BABAM2: variants seen among roughly 807,000 people sequenced by gnomAD.
BABAM2 encodes BRISC and BRCA1 A complex member 2.
Under a neutral mutation model 54.7 loss-of-function variants are expected in BABAM2, and 31 were observed. That is an observed-to-expected ratio of 0.57 (90% CI 0.43 to 0.77). The LOEUF (loss-of-function observed/expected upper bound fraction) is 0.77. Ranked by LOEUF, BABAM2 falls within the 30% of genes least tolerant of loss-of-function variation. The pLI is 0.00. For synonymous variants in BABAM2, 167 were observed against 162.9 expected (o/e 1.03, Z -0.19); for missense variants, 364 against 455.8 (o/e 0.80, Z 1.83).
At chr2:28,188,035 C>T (rs75429650) in intron 7 of BABAM2, among the ~76,000 whole-genome samples, 2,215 of 152,090 alleles carry the variant, frequency 0.015, 60 homozygotes, top group African/African-American at 0.05. Flanking sequence ...TATTTTTCCC[C>T]GGGCGCAGGC....
At chr2:28,101,804 C>G (rs924020379) in intron 6 of BABAM2, among the ~76,000 whole-genome samples, 1 of 151,816 alleles carries the variant, frequency 6.6e-6, no homozygotes, top group African/African-American at 2.4e-5. Flanking sequence ...TTTTATTGCT[C>G]TAAGGCAATA....
intron 4 of BABAM2, among the ~76,000 whole-genome samples, chr2:28,006,131 G>T (rs917435688): frequency 2.6e-5 from 4 of 151,800 alleles, no homozygotes; most frequent in African/African-American, 9.7e-5. Context: ...TATAGCTGCA[G>T]AAACAGGGCC....
At chr2:28,196,295 C>A (rs1029023385) in intron 7 of BABAM2, among the ~76,000 whole-genome samples, 2 of 129,236 alleles carry the variant, frequency 1.5e-5, no homozygotes, top group African/African-American at 5.2e-5. Flanking sequence ...CCACTGCACT[C>A]CAGCCTGGGC....
chr2:28,300,257 T>C (rs564277211), intron 11 of BABAM2, among the ~76,000 whole-genome samples: 3 of 152,280 alleles, frequency 2.0e-5, no homozygotes, highest in Non-Finnish European at 4.4e-5. Flanking sequence ...TTAAATAATG[T>C]CAGGGTGTCT....
intron 11 of BABAM2, among the ~76,000 whole-genome samples, chr2:28,319,629 A>G (rs1689853597): frequency 6.6e-6 from 1 of 152,216 alleles, no homozygotes; most frequent in Admixed American, 6.5e-5. Flanking sequence ...CTTCAGCAAC[A>G]CTGCAAGGCA....
At chr2:27,894,846 A>G in intron 2 of BABAM2, 162 bp downstream of exon 2, 1 of 705,220 alleles carries the variant, frequency 1.4e-6, no homozygotes, top group South Asian at 2.4e-5. Flanking sequence ...AGTTCTTGAC[A>G]TTTTATGTTT....
chr2:27,914,847 A>T (rs76121179), intron 2 of BABAM2, among the ~76,000 whole-genome samples: 1,595 of 152,154 alleles, frequency 0.01, 23 homozygotes, highest in African/African-American at 0.037. Context: ...ATCTCTACTG[A>T]TGGTGATATA....
At chr2:27,996,078 T>C (rs966311331) in intron 4 of BABAM2, among the ~76,000 whole-genome samples, 8 of 152,204 alleles carry the variant, frequency 5.3e-5, no homozygotes, top group Non-Finnish European at 1.0e-4. Context: ...TATCCTTTGA[T>C]TTTTCTGTGT....
chr2:28,276,306 T>A (rs1685875031), intron 10 of BABAM2, among the ~76,000 whole-genome samples: 1 of 152,176 alleles, frequency 6.6e-6, no homozygotes, highest in South Asian at 2.1e-4. Context: ...ATTTTACAGA[T>A]GTGAGTCATC....
intron 3 of BABAM2, among the ~76,000 whole-genome samples, chr2:27,931,709 A>G (rs1057428164): frequency 6.6e-6 from 1 of 152,150 alleles, no homozygotes; most frequent in Non-Finnish European, 1.5e-5. Context: ...GTACACAGTT[A>G]GCTTCGTTAT....
intron 7 of BABAM2, among the ~76,000 whole-genome samples, chr2:28,150,642 C>T (rs955474974): frequency 6.6e-6 from 1 of 152,176 alleles, no homozygotes; most frequent in Non-Finnish European, 1.5e-5. Context: ...TAGAAAGCTG[C>T]TTGGAAAGAG....
Position 28,176,569 on chromosome 2 carries a change from CAAAAAAAAAAAAAA to C in BABAM2, c.680+47203_680+47216del, listed in dbSNP as rs778275011. 6.0e-4 allele frequency among the ~76,000 whole-genome samples: 3 copies of C among 5,042 alleles called. 1 individual carries two copies. Among genetic ancestry groups the C allele is most frequent in the Non-Finnish European group, 1.0e-3 (3 of 2,864 alleles). 3.3% of individuals were successfully genotyped at this position (5,042 alleles called of 152,430 possible). A position where few individuals can be genotyped will look rare whatever the true frequency, so the allele number is the denominator to read the frequency against. On this transcript the variant is annotated intron_variant, in intron 7 of 11. Transcript: ENST00000379624. ...TGGGCAACACAGTGAGACTCTATCT[CAAAAAAAAAAAAAA>C]AAAAAAAAAAAAACCTCACTGAGAT...
intron 7 of BABAM2, among the ~76,000 whole-genome samples, chr2:28,221,900 C>T (rs1485795957): frequency 2.0e-5 from 3 of 152,112 alleles, no homozygotes; most frequent in Non-Finnish European, 4.4e-5. Flanking sequence ...GTGATGGGAG[C>T]GAACTTAAGG....
At position 28,298,500 on chromosome 2, in the gene BABAM2, A is replaced by G. The variant is rs1300549727; in HGVS notation, c.1088+9A>G. The G allele has an allele frequency of 1.2e-6, 2 of 1,613,930 alleles. No individual in the cohort carries two copies. Among genetic ancestry groups the G allele is most frequent in the African/African-American group, 2.7e-5 (2 of 75,064 alleles). On this transcript the variant is annotated intron_variant, in intron 11 of 11. Transcript: ENST00000379624. Reference sequence around the variant, plus strand: ...ATGGCCAAAAGAGCAAAGTAAGTGAATCTGTCGTTATTTCCAACAGGTAAG... The same window carrying G: ...ATGGCCAAAAGAGCAAAGTAAGTGAGTCTGTCGTTATTTCCAACAGGTAAG...
chr2:28,285,431 A>G (rs539064533), intron 10 of BABAM2, among the ~76,000 whole-genome samples: 1 of 152,298 alleles, frequency 6.6e-6, no homozygotes, highest in East Asian at 1.9e-4. Flanking sequence ...TTGTCCTATA[A>G]TTGTAATATC....
At chr2:28,298,246 G>C in intron 10 of BABAM2, 92 bp from the exon 11 acceptor site, 1 of 1,374,774 alleles carries the variant, frequency 7.3e-7, no homozygotes, top group Non-Finnish European at 1.0e-6. Context: ...TTCAAATAGA[G>C]TTTCGTACCT....
At chr2:28,101,681 T>C (rs767080929) in intron 6 of BABAM2, among the ~76,000 whole-genome samples, 2 of 152,188 alleles carry the variant, frequency 1.3e-5, no homozygotes, top group African/African-American at 4.8e-5. Flanking sequence ...CCTCTTAGAA[T>C]TTCTACTGTT....
chr2:28,042,729 A>G (rs1677200700), intron 5 of BABAM2, among the ~76,000 whole-genome samples: 1 of 152,170 alleles, frequency 6.6e-6, no homozygotes, highest in African/African-American at 2.4e-5. Flanking sequence ...GAGAAATGAA[A>G]TGGGAGCTGA....
intron 7 of BABAM2, among the ~76,000 whole-genome samples, chr2:28,186,605 CAGAGACAGAG>C (rs1482919187): frequency 4.0e-5 from 6 of 150,550 alleles, no homozygotes; most frequent in South Asian, 2.1e-4. Flanking sequence ...GACACAGAGA[CAGAGACAGAG>C]AGAGACAGAG....
Sources: gnomAD v4.1 joint callset for allele counts (sites outside exome capture counted in the v4.1 genomes callset) on GRCh38, gnomAD v4.1.1 for gene constraint, MANE v1.5 for transcripts, NCBI Gene and HGNC (gene_info 2026-07-23, HGNC 2026-07-21) for gene names.